The following PCDHGB4 variants were observed in gnomAD, a reference collection of about 807,000 sequenced individuals.
PCDHGB4 encodes the protein protocadherin gamma subfamily B, 4.
Under a neutral mutation model 60.5 loss-of-function variants are expected in PCDHGB4, and 38 were observed. The ratio of observed to expected loss-of-function variants is 0.63; its 90% CI spans 0.48 to 0.82. PCDHGB4 has a LOEUF of 0.82. Ranked by LOEUF, PCDHGB4 falls within the 40% of genes least tolerant of loss-of-function variation. PCDHGB4 has a pLI of 0.00. For missense variants in PCDHGB4, 1,109 were observed against 1,209.6 expected (o/e 0.92, Z 1.23); for synonymous variants, 456 against 509.7 (o/e 0.89, Z 1.42).
intron 2 of PCDHGB4, among the ~76,000 whole-genome samples, chr5:141,497,767 C>T (rs1419825322): frequency 1.3e-5 from 2 of 152,066 alleles, no homozygotes; most frequent in East Asian, 3.9e-4. Flanking sequence ...TCAAACTCCC[C>T]GACCTCAACT....
intron 1 of PCDHGB4, among the ~76,000 whole-genome samples, chr5:141,435,445 C>T (rs190910353): frequency 3.9e-5 from 6 of 152,224 alleles, no homozygotes; most frequent in Middle Eastern, 3.4e-3. Flanking sequence ...TTCATTAATA[C>T]GATATCTGTA....
At chr5:141,414,338 G>C in intron 1 of PCDHGB4, 1 of 1,613,832 alleles carries the variant, frequency 6.2e-7, no homozygotes, top group Non-Finnish European at 8.5e-7. Context: ...CAGGTAACCT[G>C]TTCCATTTTG....
At chr5:141,394,910 C>T in intron 1 of PCDHGB4, 1 of 1,613,766 alleles carries the variant, frequency 6.2e-7, no homozygotes. Context: ...CAGTGGCTGC[C>T]ATCTCCTGTG....
At chr5:141,399,987 A>T in intron 1 of PCDHGB4, 1 of 1,612,224 alleles carries the variant, frequency 6.2e-7, no homozygotes, top group Non-Finnish European at 8.5e-7. Flanking sequence ...TGCGCACAGG[A>T]GAGGTGCGCA....
chr5:141,418,505 G>A, intron 1 of PCDHGB4: 1 of 1,614,006 alleles, frequency 6.2e-7, no homozygotes, highest in Non-Finnish European at 8.5e-7. Flanking sequence ...GACCGCCTTA[G>A]ATGGTGGGGA....
chr5:141,478,822 T>A, intron 1 of PCDHGB4: 2 of 1,444,070 alleles, frequency 1.4e-6, no homozygotes, highest in South Asian at 1.5e-5. Context: ...AACTAACCAA[T>A]CTTGCTAAGG....
rs189767695 is a variant in PCDHGB4, at chr5:141,497,247, T to C, written c.2456+2382T>C. Among the ~76,000 whole-genome samples the C allele has an allele frequency of 2.0e-5, 3 of 151,456 alleles. No individual in the cohort carries two copies. The East Asian group carries it at 5.8e-4, about 29-fold the overall frequency. ...ATCAGAGAAGGCTTCTAGGAGGAGGTGACATTGAGAAGTTCTAGGCCATTT... is the reference window on the plus strand; with the variant it reads ...ATCAGAGAAGGCTTCTAGGAGGAGGCGACATTGAGAAGTTCTAGGCCATTT... On this transcript the variant is annotated intron_variant, in intron 2 of 3. Transcript: ENST00000519479.
intron 1 of PCDHGB4, chr5:141,399,447 C>CAT: frequency 6.2e-7 from 1 of 1,614,006 alleles, no homozygotes; most frequent in Non-Finnish European, 8.5e-7. Flanking sequence ...ATATCAGAGA[C>CAT]GTCAACGATA....
rs143168452 is a variant in PCDHGB4 at position 141,504,127 on chromosome 5, C to T, written c.2457-1266C>T. Among the ~76,000 whole-genome samples the T allele has an allele frequency of 1.3e-3, 195 of 152,220 alleles. 2 individuals carry two copies. The highest frequency in any genetic ancestry group is 4.4e-3 in the African/African-American group (181 of 41,520). On this transcript the variant is annotated intron_variant, in intron 2 of 3. Transcript: ENST00000519479. ...CTGTGTGTGTGCCAGGGCTGTTTCC[C>T]GCCAACACTCCCCTGCAAATTGAAA...
Position 141,388,512 on chromosome 5 carries a change from T to G in PCDHGB4, c.628T>G (p.Leu210Val), listed in dbSNP as rs1342946669. The change falls in exon 1 of 4, where the codon TTG becomes GTG. Residue 210 changes from leucine to valine, a missense_variant. Coordinates refer to ENST00000519479, the MANE Select transcript of PCDHGB4 (RefSeq NM_003736.4). ...CAGAGAAAAGCAGAAATCCTACCACTTGACTTTGACTGCCTTGGACTTTGG... is the reference window on the plus strand; with the variant it reads ...CAGAGAAAAGCAGAAATCCTACCACGTGACTTTGACTGCCTTGGACTTTGG... ...LDREKQKSYH[L>V]TLTALDFGAP... The G allele has an allele frequency of 1.2e-6, 2 of 1,613,846 alleles. No individual in the cohort carries two copies. Among genetic ancestry groups the G allele is most frequent in the Non-Finnish European group, 1.7e-6 (2 of 1,179,884 alleles).
chr5:141,393,520 A>G, intron 1 of PCDHGB4: 2 of 1,614,038 alleles, frequency 1.2e-6, no homozygotes, highest in Non-Finnish European at 1.7e-6. Context: ...TTGGATACAA[A>G]TGACAATGCC....
At position 141,393,612 on chromosome 5, in the gene PCDHGB4, A is replaced by G. The variant is rs1171689277; in HGVS notation, c.2397+3331A>G. Reference sequence around the variant, plus strand: ...CACGCGGCTGCTTACTGTAACAGCCAGCGACCCGGATGAGGGAATCAACGG... The same window carrying G: ...CACGCGGCTGCTTACTGTAACAGCCGGCGACCCGGATGAGGGAATCAACGG... On this transcript the variant is annotated intron_variant, in intron 1 of 3. Coordinates refer to ENST00000519479, the MANE Select transcript of PCDHGB4 (RefSeq NM_003736.4). 6.2e-7 allele frequency: 1 copy of G among 1,613,840 alleles called. No homozygotes were observed. Among genetic ancestry groups the G allele is most frequent in the Non-Finnish European group, 8.5e-7 (1 of 1,179,908 alleles).
rs147534370 is a variant in PCDHGB4 at position 141,511,170 on chromosome 5, G to A, written c.2769G>A (p.Lys923=). ...AGAAGTCGGGCAAGAAGGAGAAGAA[G>A]TAACATGGAGGCCAGGCCAAGAGCC... ...NKKKSGKKEK[K] The change falls in exon 4 of 4, where the codon AAG becomes AAA. Residue 923 remains lysine (K), a synonymous_variant. Coordinates refer to ENST00000519479, the MANE Select transcript of PCDHGB4 (RefSeq NM_003736.4). 1.9e-6 allele frequency: 3 copies of A among 1,613,988 alleles called. No homozygotes were observed. The highest frequency in any genetic ancestry group is 2.5e-6 in the Non-Finnish European group (3 of 1,179,990).
rs2099884413 is a variant in PCDHGB4, at chr5:141,512,781, G to A, written c.*1608G>A. ...CCTTGATCTGCCCGCGGCGGCCCGT[G>A]TTGTGTTTTGTGCTGTGTCCACGCG... is the stretch of plus-strand genomic sequence containing the variant. On this transcript the variant is annotated 3_prime_UTR_variant, in exon 4 of 4. Transcript: ENST00000519479. 1 of 152,534 alleles carries A rather than the reference G, an allele frequency of 6.6e-6. No individual in the cohort carries two copies. Among genetic ancestry groups the A allele is most frequent in the African/African-American group, 2.4e-5 (1 of 41,444 alleles). 9.4% of individuals were successfully genotyped at this position (152,534 alleles called of 1,614,324 possible). A position where few individuals can be genotyped will look rare whatever the true frequency, so the allele number is the denominator to read the frequency against.
rs960870975 is a variant in PCDHGB4 at position 141,417,761 on chromosome 5, C to T, written c.2397+27480C>T. On this transcript the variant is annotated intron_variant, in intron 1 of 3. Coordinates refer to ENST00000519479, the MANE Select transcript of PCDHGB4 (RefSeq NM_003736.4). ...ACACCAGATTGCCAGCTCCGAGACC[C>T]GGGACTCCTCCTGTCCTGGGCCGAA... is the stretch of plus-strand genomic sequence containing the variant. 1.8e-5 allele frequency: 26 copies of T among 1,438,736 alleles called. No homozygotes were observed. The East Asian group carries it at 5.0e-4, about 28-fold the overall frequency. The allele number at this position is 1,438,736 out of a possible 1,614,324, so 89.1% of individuals were successfully genotyped here.
intron 1 of PCDHGB4, chr5:141,478,346 G>A: frequency 6.2e-7 from 1 of 1,613,794 alleles, no homozygotes; most frequent in African/African-American, 1.3e-5. Context: ...CTCCTTGCAC[G>A]CGGACGCCGT....
chr5:141,450,183 A>G (rs1461369835), intron 1 of PCDHGB4, among the ~76,000 whole-genome samples: 1 of 151,558 alleles, frequency 6.6e-6, no homozygotes, highest in Non-Finnish European at 1.5e-5. Context: ...ACACCCAGCT[A>G]ATTTTTGTAT....
At chr5:141,430,915 G>A (rs565034370) in intron 1 of PCDHGB4, 2 of 1,607,738 alleles carry the variant, frequency 1.2e-6, no homozygotes, top group East Asian at 4.5e-5. Context: ...CCAGGGACCT[G>A]GGGCTGGAGC....
chr5:141,480,122 C>T (rs576224922), intron 1 of PCDHGB4, among the ~76,000 whole-genome samples: 1 of 151,948 alleles, frequency 6.6e-6, no homozygotes, highest in African/African-American at 2.4e-5. Flanking sequence ...CCTGGCATAT[C>T]ATAACTGTTA....
Sources: gnomAD v4.1 joint callset for allele counts (sites outside exome capture counted in the v4.1 genomes callset) on GRCh38, gnomAD v4.1.1 for gene constraint, MANE v1.5 for transcripts, NCBI Gene and HGNC (gene_info 2026-07-23, HGNC 2026-07-21) for gene names.